Variants in FAM163B observed in about 807,000 individuals in gnomAD.
FAM163B encodes the protein protein FAM163B.
In FAM163B, 4 loss-of-function variants were observed where a neutral mutation model predicts 7.6. The ratio of observed to expected loss-of-function variants is 0.52; its 90% CI spans 0.26 to 1.20. The LOEUF is 1.20. Among genes scored for constraint, FAM163B ranks in the 50% most tolerant of loss-of-function variants. FAM163B has a pLI of 0.14. For missense variants in FAM163B, 250 were observed against 243.0 expected (o/e 1.03, Z -0.19); for synonymous variants, 120 against 111.6 (o/e 1.07, Z -0.47).
chr9:133,590,306 C>T (rs1831532825), intron 1 of FAM163B, among the ~76,000 whole-genome samples: 1 of 150,780 alleles, frequency 6.6e-6, no homozygotes, highest in African/African-American at 2.4e-5. Flanking sequence ...CGAACTGAGC[C>T]CAGCTCCTGG....
chr9:133,598,802 A>G (rs188426996), intron 1 of FAM163B, among the ~76,000 whole-genome samples: 1 of 152,184 alleles, frequency 6.6e-6, no homozygotes, highest in Non-Finnish European at 1.5e-5. Flanking sequence ...CACTGGGGAC[A>G]GGGACCTGAG....
intron 1 of FAM163B, among the ~76,000 whole-genome samples, chr9:133,592,977 C>T (rs1361929637): frequency 6.6e-6 from 1 of 152,208 alleles, no homozygotes; most frequent in African/African-American, 2.4e-5. Flanking sequence ...ACTTGCACAG[C>T]TTTGCTGGTG....
Position 133,600,614 on chromosome 9 carries a change from G to A in FAM163B, c.-24+8463C>T, listed in dbSNP as rs560125342. Among the ~76,000 whole-genome samples, 262 of 152,264 alleles carry A rather than the reference G, an allele frequency of 1.7e-3. 1 individual carries two copies. The highest frequency in any genetic ancestry group is 6.2e-3 in the African/African-American group (257 of 41,540). On this transcript the variant is annotated intron_variant, in intron 1 of 2. Coordinates refer to ENST00000673969, the MANE Select transcript of FAM163B (RefSeq NM_001080515.3). The surrounding 1 kb of genome is among the most constrained non-coding windows in gnomAD (Gnocchi z 4.9). ...TGGGGTGGGAGCAGGGGTAAAACCA[G>A]AGGGTAAAAGGATGGGTGGAAGCCC...
At chr9:133,585,061 C>T (rs1054433674) in intron 1 of FAM163B, among the ~76,000 whole-genome samples, 12 of 152,266 alleles carry the variant, frequency 7.9e-5, no homozygotes, top group Non-Finnish European at 1.2e-4. Flanking sequence ...GTGCGTCCCC[C>T]ACCCCAGTCC....
At chr9:133,593,573 A>G (rs926349628) in intron 1 of FAM163B, among the ~76,000 whole-genome samples, 2 of 152,182 alleles carry the variant, frequency 1.3e-5, no homozygotes, top group Admixed American at 1.3e-4. Flanking sequence ...GGAGTCAGAA[A>G]GGCTTAGGCA....
At chr9:133,603,585 C>T (rs1384296063) in intron 1 of FAM163B, among the ~76,000 whole-genome samples, 1 of 152,216 alleles carries the variant, frequency 6.6e-6, no homozygotes, top group Non-Finnish European at 1.5e-5. Context: ...TTAGCGGGGC[C>T]ACTGCTCATT....
At chr9:133,607,396 T>C (rs1371298484) in intron 1 of FAM163B, among the ~76,000 whole-genome samples, 1 of 152,066 alleles carries the variant, frequency 6.6e-6, no homozygotes. Flanking sequence ...GCCTCAAGGG[T>C]AGGAGGAGCT....
chr9:133,599,755 C>T (rs1475325939), intron 1 of FAM163B, among the ~76,000 whole-genome samples: 1 of 141,642 alleles, frequency 7.1e-6, no homozygotes, highest in Non-Finnish European at 1.5e-5. Flanking sequence ...GGTCTGTATG[C>T]ATGTACAAGT....
At chr9:133,594,172 T>C (rs1831597226) in intron 1 of FAM163B, among the ~76,000 whole-genome samples, 1 of 152,216 alleles carries the variant, frequency 6.6e-6, no homozygotes, top group Non-Finnish European at 1.5e-5. Context: ...GTGCCAAGGT[T>C]TCCTTTACAG....
chr9:133,586,385 G>A (rs2131227820), intron 1 of FAM163B, among the ~76,000 whole-genome samples: 2 of 152,306 alleles, frequency 1.3e-5, no homozygotes, highest in East Asian at 1.9e-4. Context: ...TGGTGCTGCC[G>A]GGCTTGGCAC....
intron 1 of FAM163B, among the ~76,000 whole-genome samples, chr9:133,595,533 T>C (rs964584927): frequency 6.6e-6 from 1 of 152,216 alleles, no homozygotes; most frequent in Non-Finnish European, 1.5e-5. Flanking sequence ...CTGTAGCCCT[T>C]GGCTTCTGGG....
intron 1 of FAM163B, among the ~76,000 whole-genome samples, chr9:133,585,604 G>A (rs1373385389): frequency 1.3e-5 from 2 of 152,254 alleles, no homozygotes; most frequent in African/African-American, 4.8e-5. Context: ...TACATCCTCG[G>A]CACTGGCCGT....
Position 133,580,081 on chromosome 9 carries a change from C to G in FAM163B, c.93+50G>C. The G allele has an allele frequency of 2.6e-6, 4 of 1,520,166 alleles. No individual in the cohort carries two copies. In the South Asian group the frequency reaches 4.5e-5, roughly 17 times the overall value. The allele number at this position is 1,520,166 out of a possible 1,614,324, so 94.2% of individuals were successfully genotyped here. A position where few individuals can be genotyped will look rare whatever the true frequency, so the allele number is the denominator to read the frequency against. ...GCGGGGCTCCCTCCCGAGGTAGGGG[C>G]ACCCTCTGGGCCTCCCTGCCCTGTC... is the stretch of plus-strand genomic sequence containing the variant. On this transcript the variant is annotated intron_variant, in intron 2 of 2. Transcript: ENST00000673969.
rs1470722087 is a variant in FAM163B at position 133,609,379 on chromosome 9, G to A, written c.-326C>T. 2.7e-5 allele frequency among the ~76,000 whole-genome samples: 4 copies of A among 149,722 alleles called. No homozygotes were observed. Among genetic ancestry groups the A allele is most frequent in the Non-Finnish European group, 6.0e-5 (4 of 67,224 alleles). ...CGGCTCCAGCCTGGTCCCGAGCGCA[G>A]GGCGCGCGCTGGCGGGGAGGGCGCG... On this transcript the variant is annotated 5_prime_UTR_variant, in exon 1 of 3. Coordinates refer to ENST00000673969, the MANE Select transcript of FAM163B (RefSeq NM_001080515.3).
chr9:133,588,612 C>CTGAAGGATCTAGCATGT (rs1831480036), intron 1 of FAM163B, among the ~76,000 whole-genome samples: 1 of 2,396 alleles, frequency 4.2e-4, no homozygotes, highest in Non-Finnish European at 8.3e-4. Flanking sequence ...ATCTAGGATG[C>CTGAAGGATCTAGCATGT]TGAAGGATCT....
chr9:133,593,793 G>C (rs541835475), intron 1 of FAM163B, among the ~76,000 whole-genome samples: 1 of 152,326 alleles, frequency 6.6e-6, no homozygotes, highest in African/African-American at 2.4e-5. Context: ...GGCTAGATTC[G>C]CACCCCGGCC....
chr9:133,590,064 TCC>T lies in FAM163B; in HGVS notation c.-23-9820_-23-9819del, dbSNP rs371493035. Among the ~76,000 whole-genome samples the T allele has an allele frequency of 1.3e-4, 2 of 15,350 alleles. 1 individual carries two copies. The highest frequency in any genetic ancestry group is 2.6e-4 in the Non-Finnish European group (2 of 7,770). 10.1% of individuals were successfully genotyped at this position (15,350 alleles called of 152,430 possible). On this transcript the variant is annotated intron_variant, in intron 1 of 2. Transcript: ENST00000673969. Reference sequence around the variant, plus strand: ...TCCCTTCCCTTCCCTTCCCTTCCCTTCCCCTTCCCTTCCCCTTCCCCTTCCCT... The same window carrying T: ...TCCCTTCCCTTCCCTTCCCTTCCCTTCCTTCCCTTCCCCTTCCCCTTCCCT...
rs1831823756 is a variant in FAM163B, at chr9:133,609,184, G to T, written c.-131C>A. On this transcript the variant is annotated 5_prime_UTR_variant, in exon 1 of 3. Transcript: ENST00000673969. ...GGCGCAGCTAGCGGCGGCCGCTCAT[G>T]CCCAGGCCACGGCGGTGGCGCCTGG... is the stretch of plus-strand genomic sequence containing the variant. Among the ~76,000 whole-genome samples the T allele has an allele frequency of 6.6e-6, 1 of 151,776 alleles. No homozygotes were observed. Among genetic ancestry groups the T allele is most frequent in the Admixed American group, 6.6e-5 (1 of 15,232 alleles).
chr9:133,583,455 G>A (rs980757060), intron 1 of FAM163B, among the ~76,000 whole-genome samples: 4 of 152,224 alleles, frequency 2.6e-5, no homozygotes, highest in African/African-American at 9.6e-5. Flanking sequence ...TGGGCCTTCA[G>A]TGCCTCCATT....
Sources: gnomAD v4.1 joint callset for allele counts (sites outside exome capture counted in the v4.1 genomes callset) on GRCh38, gnomAD v4.1.1 for gene constraint, Gnocchi (gnomAD v3.1) non-coding constraint, MANE v1.5 for transcripts, NCBI Gene and HGNC (gene_info 2026-07-23, HGNC 2026-07-21) for gene names.